Variants in CCSER1 observed in about 807,000 individuals in gnomAD.
CCSER1 encodes serine-rich coiled-coil domain-containing protein 1.
Under a neutral mutation model 82.0 loss-of-function variants are expected in CCSER1, and 41 were observed. The observed-to-expected ratio is 0.50, with a 90% CI of 0.39 to 0.65. CCSER1 has a LOEUF of 0.65. Ranked by LOEUF, CCSER1 falls within the 30% of genes least tolerant of loss-of-function variation. The pLI is 0.00. For missense variants in CCSER1, 1,119 were observed against 1,064.2 expected, an observed-to-expected ratio of 1.05 and a Z score of -0.72; for synonymous variants, 414 against 383.9, an observed-to-expected ratio of 1.08 and a Z score of -0.92.
At chr4:90,549,693 A>T (rs1253172499) in intron 5 of CCSER1, among the ~76,000 whole-genome samples, 6 of 152,036 alleles carry the variant, frequency 3.9e-5, no homozygotes, top group Non-Finnish European at 8.8e-5. Context: ...ATAAATAAGG[A>T]CTATAAGCCT....
intron 8 of CCSER1, among the ~76,000 whole-genome samples, chr4:90,831,219 G>T (rs992237972): frequency 6.6e-6 from 1 of 152,130 alleles, no homozygotes; most frequent in Admixed American, 6.6e-5. Flanking sequence ...AGAAAGGAAG[G>T]TAGGGTTGAA....
chr4:91,238,841 T>G (rs1302722224), intron 10 of CCSER1, among the ~76,000 whole-genome samples: 1 of 151,948 alleles, frequency 6.6e-6, no homozygotes. Context: ...TTTTTTTTTT[T>G]GAGACGGAGT....
intron 9 of CCSER1, among the ~76,000 whole-genome samples, chr4:90,989,288 A>G (rs1395842621): frequency 6.6e-6 from 1 of 151,804 alleles, no homozygotes. Context: ...AAGACTTGCT[A>G]TTATGGAACA....
Position 90,887,970 on chromosome 4 carries a change from G to A in CCSER1, c.2095-35400G>A, listed in dbSNP as rs1722403468. ...ATCAACACATCTGGAATTTAGTTAT[G>A]AGAAAAGCAAAAATGTAGTGGGTGC... On this transcript the variant is annotated intron_variant, in intron 8 of 10. Transcript: ENST00000509176. 2.6e-5 allele frequency among the ~76,000 whole-genome samples: 4 copies of A among 152,288 alleles called. No individual in the cohort carries two copies. In the South Asian group the frequency reaches 8.3e-4, roughly 32 times the overall value.
At chr4:90,401,352 A>C (rs1663677744) in intron 4 of CCSER1, among the ~76,000 whole-genome samples, 1 of 152,194 alleles carries the variant, frequency 6.6e-6, no homozygotes, top group Admixed American at 6.5e-5. Context: ...CAAAAGACAA[A>C]ATAGTACATG....
At chr4:91,476,826 C>G (rs1423206416) in intron 10 of CCSER1, among the ~76,000 whole-genome samples, 1 of 151,684 alleles carries the variant, frequency 6.6e-6, no homozygotes, top group Admixed American at 6.6e-5. Context: ...AGGACAATCT[C>G]TTCAATAGAT....
intron 10 of CCSER1, among the ~76,000 whole-genome samples, chr4:91,117,532 CTTCAA>C (rs1726724568): frequency 6.6e-6 from 1 of 152,194 alleles, no homozygotes; most frequent in African/African-American, 2.4e-5. Context: ...ACTTTATGTA[CTTCAA>C]TTCAATGAAG....
intron 5 of CCSER1, among the ~76,000 whole-genome samples, chr4:90,494,860 ATTT>A (rs34116226): frequency 6.6e-6 from 1 of 150,446 alleles, no homozygotes; most frequent in Non-Finnish European, 1.5e-5. Context: ...CCTGGGGTAG[ATTT>A]TTTTTTTCCT....
chr4:91,076,577 A>G (rs1293511704), intron 9 of CCSER1, among the ~76,000 whole-genome samples: 2 of 152,156 alleles, frequency 1.3e-5, no homozygotes, highest in African/African-American at 4.8e-5. Flanking sequence ...TAGATCTGGA[A>G]CTTAGTCACA....
At chr4:90,967,790 A>C (rs1245198961) in intron 9 of CCSER1, among the ~76,000 whole-genome samples, 1 of 152,098 alleles carries the variant, frequency 6.6e-6, no homozygotes, top group Non-Finnish European at 1.5e-5. Context: ...CCTAAGAAAC[A>C]TATTTTTTCA....
intron 10 of CCSER1, among the ~76,000 whole-genome samples, chr4:91,226,755 A>G (rs940763165): frequency 9.2e-5 from 14 of 151,884 alleles, no homozygotes; most frequent in African/African-American, 3.4e-4. Flanking sequence ...ATAAACTTGT[A>G]CATTTCATTT....
At chr4:90,692,151 CATT>C (rs1408909375) in intron 6 of CCSER1, among the ~76,000 whole-genome samples, 5 of 150,788 alleles carry the variant, frequency 3.3e-5, no homozygotes, top group African/African-American at 1.2e-4. Flanking sequence ...TCACAAATCT[CATT>C]ATAAAGTTAA....
intron 10 of CCSER1, among the ~76,000 whole-genome samples, chr4:91,153,195 G>C (rs1395710331): frequency 6.6e-6 from 1 of 151,902 alleles, no homozygotes; most frequent in Non-Finnish European, 1.5e-5. Context: ...ATTTCTTAGA[G>C]GCTTTGTTCA....
intron 9 of CCSER1, among the ~76,000 whole-genome samples, chr4:90,942,136 G>T (rs112667465): frequency 0.058 from 8,870 of 152,038 alleles, 743 homozygotes; most frequent in African/African-American, 0.18. Flanking sequence ...TTTTTGTAGA[G>T]ATGGGGTTTC....
At chr4:91,067,353 T>C (rs1418967684) in intron 9 of CCSER1, among the ~76,000 whole-genome samples, 2 of 151,698 alleles carry the variant, frequency 1.3e-5, no homozygotes, top group Admixed American at 6.6e-5. Flanking sequence ...TTTTTTCTTT[T>C]TTTTTTGCTG....
intron 9 of CCSER1, among the ~76,000 whole-genome samples, chr4:91,074,295 A>C (rs1354643218): frequency 6.6e-6 from 1 of 152,204 alleles, no homozygotes. Context: ...TGCTTGGTAC[A>C]TAGAGAACAT....
intron 9 of CCSER1, among the ~76,000 whole-genome samples, chr4:91,058,814 C>G (rs1195766420): frequency 1.3e-5 from 2 of 151,994 alleles, no homozygotes; most frequent in Non-Finnish European, 2.9e-5. Context: ...GTAACTTGCT[C>G]AGGTTTATAT....
chr4:91,285,262 T>TA (rs1180506213), intron 10 of CCSER1, among the ~76,000 whole-genome samples: 1 of 151,588 alleles, frequency 6.6e-6, no homozygotes, highest in Non-Finnish European at 1.5e-5. Flanking sequence ...TTTTTTTTTT[T>TA]TTAAGATGTG....
intron 8 of CCSER1, among the ~76,000 whole-genome samples, chr4:90,865,760 T>G (rs1400889598): frequency 6.6e-6 from 1 of 152,034 alleles, no homozygotes; most frequent in East Asian, 1.9e-4. Context: ...TTTTTTTTAT[T>G]TCCTTATCCC....
Sources: allele counts gnomAD v4.1 joint callset (sites outside exome capture counted in the v4.1 genomes callset), GRCh38; gene constraint gnomAD v4.1.1; transcripts MANE v1.5; gene names NCBI Gene and HGNC (gene_info 2026-07-23, HGNC 2026-07-21).